The following UGT2A1 variants were observed in gnomAD, a reference collection of about 807,000 sequenced individuals.
UGT2A1 encodes the protein UDP-glucuronosyltransferase 2A1.
UGT2A1 carries 61 observed loss-of-function variants against 45.4 expected under a neutral mutation model. That is an observed-to-expected ratio of 1.34 (90% CI 1.09 to 1.66). UGT2A1 has a LOEUF of 1.66. Among genes scored for constraint, UGT2A1 ranks in the 40% most tolerant of loss-of-function variants. The pLI, the probability that UGT2A1 is intolerant of heterozygous loss-of-function variation, is 0.00. For missense variants in UGT2A1, 649 were observed against 574.3 expected (o/e 1.13, Z -1.33); for synonymous variants, 229 against 196.2 (o/e 1.17, Z -1.40).
At chr4:69,606,709 G>T (rs1305930394) in intron 3 of UGT2A1, among the ~76,000 whole-genome samples, 1 of 136,740 alleles carries the variant, frequency 7.3e-6, no homozygotes, top group Non-Finnish European at 1.6e-5. Flanking sequence ...AAGCTGATAA[G>T]CAACTTCAGC....
In UGT2A1 at chr4:69,589,528, A is replaced by C. The variant is rs1324390548; in HGVS notation, c.1428T>G (p.Val476=). 1 of 1,614,136 alleles carries C rather than the reference A, an allele frequency of 6.2e-7. No individual in the cohort carries two copies. Among genetic ancestry groups the C allele is most frequent in the Admixed American group, 1.7e-5 (1 of 60,020 alleles). ...MRHKGAKHLR[V]AAHDLTWFQY... is the part of the protein sequence containing the mutation. ...GGAACCAGGTGAGGTCATGGGCTGCAACCCGAAGGTGCTTGGCTCCTTTGT... is the reference window on the plus strand; with the variant it reads ...GGAACCAGGTGAGGTCATGGGCTGCCACCCGAAGGTGCTTGGCTCCTTTGT... Residue 476 remains valine (V), a synonymous_variant, in exon 7 of 7, where the codon GTT becomes GTG. Coordinates refer to ENST00000286604, the MANE Select transcript of UGT2A1 (RefSeq NM_001252275.3).
chr4:69,630,369 C>T (rs1282017067), intron 3 of UGT2A1, among the ~76,000 whole-genome samples: 3 of 152,024 alleles, frequency 2.0e-5, no homozygotes, highest in Non-Finnish European at 4.4e-5. Flanking sequence ...CCCATTCCCA[C>T]CTCTTCCCGG....
intron 3 of UGT2A1, among the ~76,000 whole-genome samples, chr4:69,634,264 A>G (rs1721556197): frequency 6.6e-6 from 1 of 151,900 alleles, no homozygotes; most frequent in African/African-American, 2.4e-5. Flanking sequence ...ACAAAACAAA[A>G]CAAAACAAAA....
In UGT2A1 at chr4:69,630,602, A is replaced by G. The variant is rs558713140; in HGVS notation, c.847+5089T>C. On this transcript the variant is annotated intron_variant, in intron 3 of 6. Transcript: ENST00000286604. ...AGGGTCATAAACAGGGAATTATAAA[A>G]TAGGCCTCTAAGAAAACCCCAGAGG... Among the ~76,000 whole-genome samples, 7 of 152,328 alleles carry G rather than the reference A, an allele frequency of 4.6e-5. No individual in the cohort carries two copies. The South Asian group carries it at 1.5e-3, about 32-fold the overall frequency.
At position 69,647,545 on chromosome 4, in the gene UGT2A1, G is replaced by T. The variant is rs764703692; in HGVS notation, c.100C>A (p.Leu34Ile). The change falls in exon 2 of 7, where the codon CTA becomes ATA. Residue 34 changes from leucine to isoleucine, a missense_variant. Leu to Ile is a conservative substitution (Grantham distance 5, BLOSUM62 2). Coordinates refer to ENST00000286604, the MANE Select transcript of UGT2A1 (RefSeq NM_001252275.3). The part of the protein sequence containing the change: ...LIWPMEGSHW[L>I]NVKIIIDELI... ...TCATCTATAATTATCTTAACATTTA[G>T]CCAATGACTACCTTCCATTGGCCAA... is the stretch of plus-strand genomic sequence containing the variant. 1.2e-6 allele frequency: 2 copies of T among 1,612,556 alleles called. No individual in the cohort carries two copies. The highest frequency in any genetic ancestry group is 2.2e-5 in the South Asian group (2 of 90,966).
At position 69,589,882 on chromosome 4, in the gene UGT2A1, A is replaced by G. The variant is rs188420216; in HGVS notation, c.1305-231T>C. ...TGATCAAATGTAGACATAAAAAAGT[A>G]GAGTAAGCCAGTTGTAAATATAGAT... On this transcript the variant is annotated intron_variant, in intron 6 of 6. Coordinates refer to ENST00000286604, the MANE Select transcript of UGT2A1 (RefSeq NM_001252275.3). Among the ~76,000 whole-genome samples, 288 of 152,346 alleles carry G rather than the reference A, an allele frequency of 1.9e-3. 1 individual carries two copies. Among genetic ancestry groups the G allele is most frequent in the African/African-American group, 6.7e-3 (277 of 41,590 alleles).
At chr4:69,641,261 A>G (rs1278916921) in intron 2 of UGT2A1, among the ~76,000 whole-genome samples, 1 of 151,978 alleles carries the variant, frequency 6.6e-6, no homozygotes, top group African/African-American at 2.4e-5. Flanking sequence ...TTAGTGAAGA[A>G]CAATAAAATG....
intron 3 of UGT2A1, among the ~76,000 whole-genome samples, chr4:69,607,183 A>ACTAACCAAAACAGCCTG (rs1390324533): frequency 7.4e-6 from 1 of 135,074 alleles, no homozygotes; most frequent in Non-Finnish European, 1.6e-5. Flanking sequence ...GCAAGGCTAC[A>ACTAACCAAAACAGCCTG]GTAACCAAAA....
intron 3 of UGT2A1, among the ~76,000 whole-genome samples, chr4:69,626,535 G>A (rs1251392710): frequency 6.6e-6 from 1 of 151,438 alleles, no homozygotes; most frequent in Non-Finnish European, 1.5e-5. Flanking sequence ...TGGGTATTAT[G>A]CTCACTACTG....
intron 4 of UGT2A1, among the ~76,000 whole-genome samples, chr4:69,597,193 T>A (rs1718978231): frequency 6.6e-6 from 1 of 152,062 alleles, no homozygotes; most frequent in South Asian, 2.1e-4. Flanking sequence ...TAAGAAAAAA[T>A]TTGTTTAAAA....
At chr4:69,591,733 A>C (rs1364533436) in intron 6 of UGT2A1, among the ~76,000 whole-genome samples, 2 of 152,108 alleles carry the variant, frequency 1.3e-5, no homozygotes, top group South Asian at 2.1e-4. Context: ...TACAGTTTTC[A>C]AGTCAATAAT....
intron 3 of UGT2A1, among the ~76,000 whole-genome samples, chr4:69,605,253 C>T (rs532107620): frequency 7.3e-6 from 1 of 136,902 alleles, no homozygotes; most frequent in South Asian, 2.4e-4. Flanking sequence ...AATTAGAACT[C>T]AGGATTAAGA....
intron 2 of UGT2A1, among the ~76,000 whole-genome samples, chr4:69,641,195 T>TA (rs1379037947): frequency 6.6e-6 from 1 of 151,942 alleles, no homozygotes; most frequent in East Asian, 1.9e-4. Context: ...AATGATGATA[T>TA]TAGTCAACTT....
chr4:69,607,040 A>C (rs1719670561), intron 3 of UGT2A1, among the ~76,000 whole-genome samples: 1 of 130,662 alleles, frequency 7.7e-6, no homozygotes, highest in Non-Finnish European at 1.6e-5. Flanking sequence ...ACTACCAATG[A>C]CTTTCTTCAC....
chr4:69,652,433 A>C (rs915971584), intron 1 of UGT2A1, among the ~76,000 whole-genome samples: 1 of 151,530 alleles, frequency 6.6e-6, no homozygotes, highest in Non-Finnish European at 1.5e-5. Context: ...ATAGGCGACC[A>C]CCACCACACC....
chr4:69,638,782 T>C (rs1179709149), intron 2 of UGT2A1: 2 of 1,282,452 alleles, frequency 1.6e-6, no homozygotes, highest in Non-Finnish European at 2.1e-6. Flanking sequence ...TACAGAGATA[T>C]AAGAAGTCCA....
chr4:69,632,091 A>G (rs959566820), intron 3 of UGT2A1, among the ~76,000 whole-genome samples: 1 of 152,222 alleles, frequency 6.6e-6, no homozygotes, highest in Admixed American at 6.5e-5. Flanking sequence ...GAGATTCACG[A>G]AAATGAAAGA....
chr4:69,617,723 T>C (rs896155026), intron 3 of UGT2A1, among the ~76,000 whole-genome samples: 2 of 151,820 alleles, frequency 1.3e-5, no homozygotes, highest in African/African-American at 2.4e-5. Context: ...TATTCATTAT[T>C]GGGAGTTAAC....
At chr4:69,591,185 T>C (rs1312363388) in intron 6 of UGT2A1, among the ~76,000 whole-genome samples, 1 of 152,140 alleles carries the variant, frequency 6.6e-6, no homozygotes, top group Admixed American at 6.6e-5. Context: ...TGTAGCAAAA[T>C]ATGAGTGACC....
Sources: allele counts gnomAD v4.1 joint callset (sites outside exome capture counted in the v4.1 genomes callset), GRCh38; gene constraint gnomAD v4.1.1; transcripts MANE v1.5; gene names NCBI Gene and HGNC (gene_info 2026-07-23, HGNC 2026-07-21).